SEMA5A: variants seen among roughly 807,000 people sequenced by gnomAD.
SEMA5A encodes the protein semaphorin 5A.
SEMA5A carries 55 observed loss-of-function variants against 135.5 expected under a neutral mutation model. The ratio of observed to expected loss-of-function variants is 0.41; its 90% CI spans 0.33 to 0.51. The LOEUF (loss-of-function observed/expected upper bound fraction) is 0.51. Ranked by LOEUF, SEMA5A falls within the 20% of genes least tolerant of loss-of-function variation. SEMA5A has a pLI of 0.37. For synonymous variants in SEMA5A, 580 were observed against 546.5 expected, an observed-to-expected ratio of 1.06 and a Z score of -0.85; for missense variants, 1,290 against 1,419.9, an observed-to-expected ratio of 0.91 and a Z score of 1.47.
rs1736030768 is a variant in SEMA5A, at chr5:9,042,782, A to C, written c.*115T>G. ...GCAATGGGACACTCTGGTGGCTTGA[A>C]ATGCACTTGAAATGTATCCAAACTT... On this transcript the variant is annotated 3_prime_UTR_variant, in exon 23 of 23. Transcript: ENST00000382496. 1 of 1,311,106 alleles carries C rather than the reference A, an allele frequency of 7.6e-7. No individual in the cohort carries two copies. Among genetic ancestry groups the C allele is most frequent in the African/African-American group, 1.5e-5 (1 of 67,246 alleles). The allele number at this position is 1,311,106 out of a possible 1,614,324, so 81.2% of individuals were successfully genotyped here. A position where few individuals can be genotyped will look rare whatever the true frequency, so the allele number is the denominator to read the frequency against.
chr5:9,350,536 C>T (rs1021956330), intron 3 of SEMA5A, among the ~76,000 whole-genome samples: 6 of 152,126 alleles, frequency 3.9e-5, no homozygotes, highest in African/African-American at 1.4e-4. Flanking sequence ...ACAGTGGGGA[C>T]CTGTGGCCAG....
intron 1 of SEMA5A, chr5:9,517,775 G>A (rs1440772726): frequency 6.6e-6 from 1 of 152,084 alleles, no homozygotes; most frequent in Non-Finnish European, 1.5e-5. Context: ...AAGCATCTAA[G>A]GGCTGTGCCT....
chr5:9,117,835 T>C (rs1450575617), intron 15 of SEMA5A, among the ~76,000 whole-genome samples: 2 of 152,120 alleles, frequency 1.3e-5, no homozygotes, highest in Admixed American at 6.5e-5. Context: ...TTCCCACTTA[T>C]CAACTGGTGT....
At chr5:9,351,290 A>G (rs944352061) in intron 3 of SEMA5A, among the ~76,000 whole-genome samples, 1 of 152,164 alleles carries the variant, frequency 6.6e-6, no homozygotes, top group Admixed American at 6.5e-5. Flanking sequence ...GTTCCCTCCA[A>G]TAGCATCAAA....
Position 9,451,616 on chromosome 5 carries a change from A to C in SEMA5A, c.-174-13764T>G, listed in dbSNP as rs146994727. The stretch of plus-strand genomic sequence containing the variant: ...AATTTGATGCAATAATATGGTGGTT[A>C]TTGCTATTCCTTGACCAACTACTCC... On this transcript the variant is annotated intron_variant, in intron 1 of 22. Transcript: ENST00000382496. Among the ~76,000 whole-genome samples the C allele has an allele frequency of 3.4e-3, 514 of 152,292 alleles. 4 individuals are homozygous for C. The highest frequency in any genetic ancestry group is 0.012 in the African/African-American group (489 of 41,574).
chr5:9,157,332 A>G (rs1579503975), intron 11 of SEMA5A, among the ~76,000 whole-genome samples: 6 of 152,282 alleles, frequency 3.9e-5, no homozygotes, highest in Middle Eastern at 3.4e-3. Context: ...ATCTGTCTTC[A>G]AAGCTGAATG....
intron 5 of SEMA5A, among the ~76,000 whole-genome samples, chr5:9,300,835 C>T (rs1282560775): frequency 6.6e-6 from 1 of 152,118 alleles, no homozygotes; most frequent in Non-Finnish European, 1.5e-5. Flanking sequence ...AGTTTGAAAT[C>T]AAAGAACACC....
intron 18 of SEMA5A, among the ~76,000 whole-genome samples, chr5:9,058,623 A>G (rs1005073845): frequency 2.0e-5 from 3 of 152,230 alleles, no homozygotes; most frequent in African/African-American, 7.2e-5. Flanking sequence ...CACCCACTAC[A>G]GTAAGATTAA....
intron 2 of SEMA5A, among the ~76,000 whole-genome samples, chr5:9,402,814 T>A (rs67991839): frequency 0.13 from 19,793 of 152,200 alleles, 1,431 homozygotes; most frequent in Non-Finnish European, 0.16. Flanking sequence ...CCAGCCAGTA[T>A]CCTGGTTGAA....
chr5:9,528,584 G>T (rs1242241039), intron 1 of SEMA5A, among the ~76,000 whole-genome samples: 1 of 152,108 alleles, frequency 6.6e-6, no homozygotes, highest in Non-Finnish European at 1.5e-5. Flanking sequence ...CCTTTAAAGG[G>T]CCTAGAAACG....
chr5:9,076,512 A>G (rs1738067470), intron 16 of SEMA5A, among the ~76,000 whole-genome samples: 1 of 152,210 alleles, frequency 6.6e-6, no homozygotes, highest in Admixed American at 6.5e-5. Context: ...GGTAACTATA[A>G]TTAAGCAGAA....
At chr5:9,061,956 G>A (rs1737204555) in intron 18 of SEMA5A, among the ~76,000 whole-genome samples, 1 of 152,006 alleles carries the variant, frequency 6.6e-6, no homozygotes, top group Non-Finnish European at 1.5e-5. Context: ...GTACATGGAG[G>A]CCATGTGGGG....
intron 6 of SEMA5A, among the ~76,000 whole-genome samples, chr5:9,230,889 A>G (rs1349229920): frequency 1.3e-5 from 2 of 152,114 alleles, no homozygotes; most frequent in African/African-American, 4.8e-5. Flanking sequence ...TTTCTTCTTA[A>G]CTGTCAAGAG....
chr5:9,129,303 T>G (rs553633983), intron 13 of SEMA5A, among the ~76,000 whole-genome samples: 2 of 152,218 alleles, frequency 1.3e-5, no homozygotes, highest in Non-Finnish European at 2.9e-5. Context: ...TCTGGCAGGG[T>G]AAGAATGTGA....
chr5:9,081,432 A>C (rs1447659130), intron 16 of SEMA5A, among the ~76,000 whole-genome samples: 1 of 152,218 alleles, frequency 6.6e-6, no homozygotes, highest in Non-Finnish European at 1.5e-5. Flanking sequence ...ATATACATAC[A>C]TATGTGTGTA....
intron 16 of SEMA5A, among the ~76,000 whole-genome samples, chr5:9,098,893 T>A (rs747514906): frequency 1.3e-5 from 2 of 152,226 alleles, no homozygotes; most frequent in Non-Finnish European, 2.9e-5. Flanking sequence ...TAAGTCACTT[T>A]TACAGTAGGA....
intron 4 of SEMA5A, among the ~76,000 whole-genome samples, chr5:9,319,061 A>C (rs1162939698): frequency 1.3e-5 from 2 of 152,036 alleles, no homozygotes; most frequent in African/African-American, 2.4e-5. Context: ...AAAGTTATCC[A>C]GGCATATTGG....
rs190074766 is a variant in SEMA5A, at chr5:9,441,687, G to A, written c.-174-3835C>T. Among the ~76,000 whole-genome samples, 82 of 152,360 alleles carry A rather than the reference G, an allele frequency of 5.4e-4. No homozygotes were observed. In the Middle Eastern group the frequency reaches 0.014, roughly 25 times the overall value. ...GAAGTAAACAGGAGGGTGGATTCCA[G>A]GTGGCAGGCCAAGGAGCAGGGAGGG... On this transcript the variant is annotated intron_variant, in intron 1 of 22. Coordinates refer to ENST00000382496, the MANE Select transcript of SEMA5A (RefSeq NM_003966.3).
At chr5:9,361,234 G>A (rs1754680044) in intron 3 of SEMA5A, among the ~76,000 whole-genome samples, 1 of 151,718 alleles carries the variant, frequency 6.6e-6, no homozygotes, top group Non-Finnish European at 1.5e-5. Flanking sequence ...AGGAGGCAGA[G>A]GTTGCAGTGA....
Sources: gnomAD v4.1 joint callset for allele counts (sites outside exome capture counted in the v4.1 genomes callset) on GRCh38, gnomAD v4.1.1 for gene constraint, MANE v1.5 for transcripts, NCBI Gene and HGNC (gene_info 2026-07-23, HGNC 2026-07-21) for gene names.